Variants in EPHA5 observed in about 807,000 individuals in gnomAD.
The protein encoded by EPHA5 is ephrin type-A receptor 5.
In EPHA5, 60 loss-of-function variants were observed where a neutral mutation model predicts 105.0. That is an observed-to-expected ratio of 0.57 (90% confidence interval 0.46 to 0.71). The LOEUF is 0.71. EPHA5 is among the 30% of genes least tolerant of loss of function. EPHA5 has a pLI of 0.00. For missense variants in EPHA5, 1,218 were observed against 1,274.7 expected (o/e 0.96, Z 0.68); for synonymous variants, 513 against 449.1 (o/e 1.14, Z -1.80).
At chr4:65,327,385 C>T (rs1720181825) in intron 16 of EPHA5, among the ~76,000 whole-genome samples, 2 of 151,128 alleles carry the variant, frequency 1.3e-5, no homozygotes, top group African/African-American at 4.8e-5. Context: ...TTATCTTTCT[C>T]CTCTTCCTTT....
chr4:65,487,114 T>C (rs1383340672), intron 5 of EPHA5, among the ~76,000 whole-genome samples: 1 of 152,222 alleles, frequency 6.6e-6, no homozygotes, highest in Non-Finnish European at 1.5e-5. Context: ...CTTCTTGTAC[T>C]GCCTGCAGAA....
intron 3 of EPHA5, among the ~76,000 whole-genome samples, chr4:65,556,659 T>C (rs1738473994): frequency 6.6e-6 from 1 of 152,190 alleles, no homozygotes; most frequent in African/African-American, 2.4e-5. Flanking sequence ...ATAGTAATAT[T>C]AATTGTTAAT....
At chr4:65,535,466 TA>T (rs1190443150) in intron 3 of EPHA5, among the ~76,000 whole-genome samples, 1 of 152,166 alleles carries the variant, frequency 6.6e-6, no homozygotes, top group Non-Finnish European at 1.5e-5. Flanking sequence ...TGTCAAATGT[TA>T]AAAATGCAGA....
chr4:65,523,404 A>G (rs1400801795), intron 3 of EPHA5, among the ~76,000 whole-genome samples: 2 of 151,958 alleles, frequency 1.3e-5, no homozygotes, highest in African/African-American at 4.8e-5. Flanking sequence ...TCTCTTTGCT[A>G]ATGTAATGAA....
chr4:65,618,008 T>C (rs550697040), intron 2 of EPHA5, among the ~76,000 whole-genome samples: 1 of 152,236 alleles, frequency 6.6e-6, no homozygotes, highest in South Asian at 2.1e-4. Flanking sequence ...ATCTAACCAG[T>C]ATTTTTCTTC....
intron 2 of EPHA5, among the ~76,000 whole-genome samples, chr4:65,631,209 A>AT (rs1341338772): frequency 6.6e-6 from 1 of 152,108 alleles, no homozygotes; most frequent in East Asian, 1.9e-4. Context: ...TTCACTGTGC[A>AT]TTTTCCCTTC....
chr4:65,396,606 ATGTG>A (rs1380091419), intron 8 of EPHA5, among the ~76,000 whole-genome samples: 5 of 152,198 alleles, frequency 3.3e-5, no homozygotes, highest in East Asian at 1.9e-4. Context: ...AAGCACTTTC[ATGTG>A]TGTATACTGG....
Position 65,336,069 on chromosome 4 carries a change from A to G in EPHA5, c.2652T>C (p.Ala884=), listed in dbSNP as rs776792927. The change falls in exon 15 of 17, where the codon GCT becomes GCC. Residue 884 remains alanine (A), a synonymous_variant. Transcript: ENST00000613740. ...AATCCAGCATTAACTGATAGAGAGC[A>G]GCAGGACAATCCATGGGGCTTGGCA... ...YRLPSPMDCP[A]ALYQLMLDCW... 8.1e-6 allele frequency: 13 copies of G among 1,613,140 alleles called. No individual in the cohort carries two copies. Among genetic ancestry groups the G allele is most frequent in the Non-Finnish European group, 1.1e-5 (13 of 1,179,548 alleles).
chr4:65,326,886 C>T (rs74395343), intron 16 of EPHA5, among the ~76,000 whole-genome samples: 12,548 of 150,904 alleles, frequency 0.083, 591 homozygotes, highest in Middle Eastern at 0.14. Flanking sequence ...TTTTGAATGA[C>T]CTGAAAGAAT....
rs1026973280 is a variant in EPHA5, at chr4:65,323,245, G to A, written c.*869C>T. 1.3e-5 allele frequency: 3 copies of A among 228,940 alleles called. No individual in the cohort carries two copies. The highest frequency in any genetic ancestry group is 4.4e-5 in the African/African-American group (2 of 45,040). 14.2% of individuals were successfully genotyped at this position (228,940 alleles called of 1,614,324 possible). A position where few individuals can be genotyped will look rare whatever the true frequency, so the allele number is the denominator to read the frequency against. On this transcript the variant is annotated 3_prime_UTR_variant, in exon 17 of 17. Coordinates refer to ENST00000613740, the MANE Select transcript of EPHA5 (RefSeq NM_001281766.3). ...ACACATGAGAGGAAAAGAGACACAA[G>A]CTTGTGTTAAATTTTGTTTTACTGC... is the stretch of plus-strand genomic sequence containing the variant.
intron 8 of EPHA5, among the ~76,000 whole-genome samples, chr4:65,388,550 G>T (rs898173895): frequency 5.3e-5 from 8 of 151,838 alleles, no homozygotes; most frequent in Non-Finnish European, 1.0e-4. Flanking sequence ...GTTTTGATTT[G>T]CATTTCTCTG....
At chr4:65,560,204 T>C (rs1738865949) in intron 3 of EPHA5, among the ~76,000 whole-genome samples, 1 of 152,148 alleles carries the variant, frequency 6.6e-6, no homozygotes, top group African/African-American at 2.4e-5. Flanking sequence ...AAAATGATAA[T>C]TTGACAATAG....
At chr4:65,575,614 C>T (rs1307415339) in intron 3 of EPHA5, among the ~76,000 whole-genome samples, 15 of 152,180 alleles carry the variant, frequency 9.9e-5, no homozygotes, top group Admixed American at 7.9e-4. Context: ...TGTTAAAAGG[C>T]CATTAATAAG....
rs137871054 is a variant in EPHA5, at chr4:65,334,791, A to G, written c.2789+1141T>C. Among the ~76,000 whole-genome samples the G allele has an allele frequency of 1.9e-3, 284 of 150,900 alleles. 4 individuals are homozygous for G. The highest frequency in any genetic ancestry group is 6.7e-3 in the African/African-American group (274 of 40,984). On this transcript the variant is annotated intron_variant, in intron 15 of 16. Coordinates refer to ENST00000613740, the MANE Select transcript of EPHA5 (RefSeq NM_001281766.3). The stretch of plus-strand genomic sequence containing the variant: ...AATAATGATGCCTATATAAATTAAT[A>G]TAATTTAGAACATAAGTTTTTTTTT...
chr4:65,459,348 C>A (rs570309121), intron 5 of EPHA5, among the ~76,000 whole-genome samples: 26 of 151,976 alleles, frequency 1.7e-4, no homozygotes, highest in African/African-American at 5.8e-4. Flanking sequence ...GTTAATCCAG[C>A]TTTATGGGAA....
chr4:65,549,076 A>T (rs899720561), intron 3 of EPHA5, among the ~76,000 whole-genome samples: 4 of 152,200 alleles, frequency 2.6e-5, no homozygotes, highest in Admixed American at 2.6e-4. Flanking sequence ...AGTTTTTGAC[A>T]TATACACTCA....
At chr4:65,592,825 A>G (rs1742801156) in intron 3 of EPHA5, among the ~76,000 whole-genome samples, 2 of 152,204 alleles carry the variant, frequency 1.3e-5, no homozygotes, top group South Asian at 4.1e-4. Flanking sequence ...CTCCTTGGTT[A>G]TGGCCGACAA....
At chr4:65,510,312 TG>T (rs1222509826) in intron 3 of EPHA5, among the ~76,000 whole-genome samples, 1 of 152,042 alleles carries the variant, frequency 6.6e-6, no homozygotes. Flanking sequence ...CCCAAAGTGC[TG>T]GGATTACAGG....
At chr4:65,398,239 C>A (rs1721446420) in intron 8 of EPHA5, among the ~76,000 whole-genome samples, 1 of 152,186 alleles carries the variant, frequency 6.6e-6, no homozygotes, top group South Asian at 2.1e-4. Flanking sequence ...GAGGATGACC[C>A]TGGGTGCTGT....
Sources: gnomAD v4.1 joint callset for allele counts (sites outside exome capture counted in the v4.1 genomes callset) on GRCh38, gnomAD v4.1.1 for gene constraint, MANE v1.5 for transcripts, NCBI Gene and HGNC (gene_info 2026-07-23, HGNC 2026-07-21) for gene names.